BMPR1A: variants seen among roughly 807,000 people sequenced by gnomAD.
BMPR1A encodes the protein bone morphogenetic protein receptor type 1A.
Under a neutral mutation model 66.0 loss-of-function variants are expected in BMPR1A, and 7 were observed. The ratio of observed to expected loss-of-function variants is 0.11; its 90% CI spans 0.06 to 0.20. The LOEUF is 0.20. BMPR1A is among the 10% of genes least tolerant of loss of function. The pLI, the probability that BMPR1A is intolerant of heterozygous loss-of-function variation, is 1.00. For synonymous variants in BMPR1A, 200 were observed against 229.7 expected, an observed-to-expected ratio of 0.87 and a Z score of 1.17; for missense variants, 408 against 669.1, an observed-to-expected ratio of 0.61 and a Z score of 4.31.
rs1207387044 is a variant in BMPR1A, at chr10:86,786,417, T to C, written c.-268+29498T>C. Among the ~76,000 whole-genome samples, 3 of 152,178 alleles carry C rather than the reference T, an allele frequency of 2.0e-5. No individual in the cohort carries two copies. The East Asian group carries it at 5.8e-4, about 29-fold the overall frequency. On this transcript the variant is annotated intron_variant, in intron 1 of 12. Transcript: ENST00000372037. ...CCCAGCACCCTGTTTCTTGCACTGCTCTTGCGAGGTCAGCTCTGACCCTAC... is the reference window on the plus strand; with the variant it reads ...CCCAGCACCCTGTTTCTTGCACTGCCCTTGCGAGGTCAGCTCTGACCCTAC...
chr10:86,798,326 AT>A (rs769616361), intron 1 of BMPR1A, among the ~76,000 whole-genome samples: 6 of 152,208 alleles, frequency 3.9e-5, no homozygotes, highest in Non-Finnish European at 7.4e-5. Context: ...TTTACATGTT[AT>A]CAATAAAAGT....
chr10:86,796,832 TC>T (rs1230985922), intron 1 of BMPR1A, among the ~76,000 whole-genome samples: 1 of 152,042 alleles, frequency 6.6e-6, no homozygotes, highest in Non-Finnish European at 1.5e-5. Context: ...GTGAGCTTTT[TC>T]CAAAAGAGAA....
At chr10:86,808,702 T>C (rs773284393) in intron 1 of BMPR1A, among the ~76,000 whole-genome samples, 1 of 152,240 alleles carries the variant, frequency 6.6e-6, no homozygotes, top group African/African-American at 2.4e-5. Context: ...GATTTTAAAC[T>C]GTGAAGTGCT....
chr10:86,782,766 T>C (rs1841457079), intron 1 of BMPR1A, among the ~76,000 whole-genome samples: 1 of 152,018 alleles, frequency 6.6e-6, no homozygotes, highest in Admixed American at 6.6e-5. Context: ...CCCTATCCAA[T>C]ACATGATTTG....
At chr10:86,853,265 T>G (rs1161874420) in intron 2 of BMPR1A, among the ~76,000 whole-genome samples, 1 of 151,604 alleles carries the variant, frequency 6.6e-6, no homozygotes, top group African/African-American at 2.4e-5. Flanking sequence ...TATTCAGAGA[T>G]AAGCCTTTGG....
intron 1 of BMPR1A, among the ~76,000 whole-genome samples, chr10:86,818,453 G>A (rs1185317763): frequency 1.3e-5 from 2 of 151,964 alleles, no homozygotes; most frequent in Non-Finnish European, 1.5e-5. Context: ...ATAGTTCTTC[G>A]GTTAATAATT....
chr10:86,850,850 T>C (rs1283242751), intron 2 of BMPR1A, among the ~76,000 whole-genome samples: 1 of 152,208 alleles, frequency 6.6e-6, no homozygotes. Flanking sequence ...CCCTTATATG[T>C]TCAGGAAATA....
At chr10:86,859,702 C>T (rs1263973135) in intron 2 of BMPR1A, among the ~76,000 whole-genome samples, 1 of 152,002 alleles carries the variant, frequency 6.6e-6, no homozygotes, top group Non-Finnish European at 1.5e-5. Context: ...CCCAGCTACT[C>T]GGGAGGCTGA....
chr10:86,770,077 G>A (rs1236021421), intron 1 of BMPR1A, among the ~76,000 whole-genome samples: 1 of 152,110 alleles, frequency 6.6e-6, no homozygotes, highest in Non-Finnish European at 1.5e-5. Context: ...GGATCATTGA[G>A]CTCAGGAGTT....
intron 1 of BMPR1A, among the ~76,000 whole-genome samples, chr10:86,830,177 A>T (rs1480829314): frequency 6.6e-6 from 1 of 152,178 alleles, no homozygotes; most frequent in African/African-American, 2.4e-5. Context: ...CCGTAACAGG[A>T]TTCTTTCTTG....
In BMPR1A at chr10:86,775,529, A is replaced by G. The variant is rs144448189; in HGVS notation, c.-268+18610A>G. 7.3e-3 allele frequency among the ~76,000 whole-genome samples: 1,104 copies of G among 152,220 alleles called. 13 individuals are homozygous for G. Among genetic ancestry groups the G allele is most frequent in the African/African-American group, 0.026 (1,066 of 41,522 alleles). ...ATCTCACCCTGCTATAGAAAGTTTCATTTTTTGGACAGCATTTCCTGAGAG... is the reference window on the plus strand; with the variant it reads ...ATCTCACCCTGCTATAGAAAGTTTCGTTTTTTGGACAGCATTTCCTGAGAG... On this transcript the variant is annotated intron_variant, in intron 1 of 12. Coordinates refer to ENST00000372037, the MANE Select transcript of BMPR1A (RefSeq NM_004329.3).
chr10:86,823,166 T>C (rs1842144706), intron 1 of BMPR1A, among the ~76,000 whole-genome samples: 1 of 152,256 alleles, frequency 6.6e-6, no homozygotes, highest in Admixed American at 6.5e-5. Context: ...AAGGTGTTTC[T>C]ACCAGTGATT....
At chr10:86,797,068 C>CTTTTTT (rs780930060) in intron 1 of BMPR1A, among the ~76,000 whole-genome samples, 35 of 105,012 alleles carry the variant, frequency 3.3e-4, no homozygotes, top group African/African-American at 6.2e-4. Context: ...CTTTTCTTTT[C>CTTTTTT]TTTTTTTTTT....
At chr10:86,890,547 AAAG>A (rs1227282730) in intron 4 of BMPR1A, among the ~76,000 whole-genome samples, 1 of 152,030 alleles carries the variant, frequency 6.6e-6, no homozygotes, top group Non-Finnish European at 1.5e-5. Flanking sequence ...GGTTACCAAA[AAAG>A]AAATCAGAAA....
chr10:86,848,093 G>C (rs1842511712), intron 2 of BMPR1A, among the ~76,000 whole-genome samples: 1 of 151,922 alleles, frequency 6.6e-6, no homozygotes, highest in Admixed American at 6.6e-5. Context: ...CACCACACCT[G>C]GCTAAAGTTT....
intron 7 of BMPR1A, among the ~76,000 whole-genome samples, chr10:86,902,394 C>T (rs1168702350): frequency 6.6e-6 from 1 of 151,388 alleles, no homozygotes; most frequent in African/African-American, 2.4e-5. Flanking sequence ...TGCTGCGTTA[C>T]CTCAGAGCTA....
At chr10:86,819,430 C>T (rs969547059) in intron 1 of BMPR1A, among the ~76,000 whole-genome samples, 2 of 152,116 alleles carry the variant, frequency 1.3e-5, no homozygotes, top group Admixed American at 1.3e-4. Flanking sequence ...CCTGCCTCAG[C>T]CTCCTGAGTA....
At chr10:86,906,213 C>G (rs886656662) in intron 7 of BMPR1A, among the ~76,000 whole-genome samples, 1 of 152,134 alleles carries the variant, frequency 6.6e-6, no homozygotes, top group Non-Finnish European at 1.5e-5. Context: ...TTCTGACATA[C>G]ATTTTATCTT....
intron 5 of BMPR1A, among the ~76,000 whole-genome samples, chr10:86,898,140 G>A (rs924425646): frequency 2.6e-5 from 4 of 151,630 alleles, no homozygotes; most frequent in African/African-American, 7.3e-5. Context: ...GGCTGGACTT[G>A]AACTCCTAGG....
Sources: gnomAD v4.1 joint callset for allele counts (sites outside exome capture counted in the v4.1 genomes callset) on GRCh38, gnomAD v4.1.1 for gene constraint, MANE v1.5 for transcripts, NCBI Gene and HGNC (gene_info 2026-07-23, HGNC 2026-07-21) for gene names.